Variants in RFWD3 observed in about 807,000 individuals in gnomAD.
The protein encoded by RFWD3 is ring finger and WD repeat domain 3.
Under a neutral mutation model 87.7 loss-of-function variants are expected in RFWD3, and 65 were observed. That is an observed-to-expected ratio of 0.74 (90% CI 0.61 to 0.91). The LOEUF (loss-of-function observed/expected upper bound fraction) is 0.91. Among genes scored for constraint, RFWD3 ranks in the 40% least tolerant of loss-of-function variants. The pLI is 0.00. For missense variants in RFWD3, 1,078 were observed against 938.5 expected, an observed-to-expected ratio of 1.15 and a Z score of -1.94; for synonymous variants, 433 against 352.8, an observed-to-expected ratio of 1.23 and a Z score of -2.55.
chr16:74,633,791 A>AAT (rs1399262999), intron 8 of RFWD3, among the ~76,000 whole-genome samples: 2 of 152,086 alleles, frequency 1.3e-5, no homozygotes, highest in African/African-American at 4.8e-5. Flanking sequence ...TGCTACAAAA[A>AAT]ATATGAGAAT....
intron 6 of RFWD3, among the ~76,000 whole-genome samples, chr16:74,643,680 T>C (rs1597435448): frequency 8.8e-6 from 1 of 114,134 alleles, no homozygotes; most frequent in African/African-American, 2.7e-5. Context: ...TTTTTTTTTT[T>C]TTTTTTTTTT....
intron 1 of RFWD3, among the ~76,000 whole-genome samples, chr16:74,665,742 T>C (rs1377324707): frequency 7.4e-6 from 1 of 135,764 alleles, no homozygotes; most frequent in African/African-American, 2.8e-5. Flanking sequence ...AGACTTTTCT[T>C]TCTTTCTTTC....
In RFWD3 at chr16:74,622,469, A is replaced by G. The variant is rs200940067; in HGVS notation, c.*1459T>C. 1.4e-5 allele frequency: 2 copies of G among 143,212 alleles called. No individual in the cohort carries two copies. Among genetic ancestry groups the G allele is most frequent in the African/African-American group, 2.6e-5 (1 of 37,978 alleles). The allele number at this position is 143,212 out of a possible 1,614,324, so 8.9% of individuals were successfully genotyped here. A position where few individuals can be genotyped will look rare whatever the true frequency, so the allele number is the denominator to read the frequency against. ...GTGAAACATCTATTTCTACAAAAAA[A>G]TTTAAAAAAGGAAAAAATTATGTCC... On this transcript the variant is annotated 3_prime_UTR_variant, in exon 13 of 13. Coordinates refer to ENST00000361070, the MANE Select transcript of RFWD3 (RefSeq NM_018124.4).
At chr16:74,633,954 C>T (rs1357619433) in intron 8 of RFWD3, among the ~76,000 whole-genome samples, 3 of 150,576 alleles carry the variant, frequency 2.0e-5, no homozygotes, top group East Asian at 3.9e-4. Context: ...TCCCTGCATC[C>T]AGCCTGGAAG....
chr16:74,638,882 T>C (rs1430072198), intron 6 of RFWD3, among the ~76,000 whole-genome samples: 1 of 152,194 alleles, frequency 6.6e-6, no homozygotes, highest in Non-Finnish European at 1.5e-5. Flanking sequence ...TACAGAAACC[T>C]ACACAGTATA....
At chr16:74,659,577 A>G (rs1054742707) in intron 2 of RFWD3, among the ~76,000 whole-genome samples, 2 of 149,042 alleles carry the variant, frequency 1.3e-5, no homozygotes, top group East Asian at 4.0e-4. Context: ...CCTGAGTGAC[A>G]GAGCAAGACT....
At chr16:74,630,613 C>T (rs1348857793) in intron 10 of RFWD3, among the ~76,000 whole-genome samples, 168 bp downstream of exon 10, 1 of 152,206 alleles carries the variant, frequency 6.6e-6, no homozygotes, top group Non-Finnish European at 1.5e-5. Flanking sequence ...TGAATACAAA[C>T]TCTTATTAAT....
intron 9 of RFWD3, 37 bp from the exon 10 acceptor site, chr16:74,630,994 GA>G: frequency 6.5e-7 from 1 of 1,545,464 alleles, no homozygotes; most frequent in Non-Finnish European, 8.8e-7. Flanking sequence ...ACTGCATTAA[GA>G]AAATCAAATA....
At position 74,630,953 on chromosome 16, in the gene RFWD3, C is replaced by G; in HGVS notation, c.1582G>C (p.Glu528Gln). The G allele has an allele frequency of 6.2e-7, 1 of 1,605,220 alleles. No individual in the cohort carries two copies. The highest frequency in any genetic ancestry group is 8.5e-7 in the Non-Finnish European group (1 of 1,177,708). The change falls in exon 10 of 13, where the codon GAG (glutamate) becomes CAG (glutamine). Residue 528 changes from glutamate to glutamine, a missense_variant. Physicochemically the swap from Glu to Gln is conservative, Grantham distance 29. Transcript: ENST00000361070. ...LDNTIKLTSL[E>Q]TNTVVQTYNA... ...TAAGTCTGGACCACGGTATTTGTCT[C>G]CAGGCTGTGGAGTTACAAAAGACTT...
chr16:74,644,183 G>A (rs146049115), intron 6 of RFWD3, 179 bp downstream of exon 6: 280 of 662,840 alleles, frequency 4.2e-4, no homozygotes, highest in African/African-American at 4.1e-3. Flanking sequence ...ACTTCCTTAA[G>A]AAGATGATCA....
intron 1 of RFWD3, 69 bp from the exon 2 acceptor site, chr16:74,661,520 ATATT>A: frequency 1.5e-6 from 2 of 1,310,526 alleles, no homozygotes; most frequent in Non-Finnish European, 2.1e-6. Flanking sequence ...TGACAGAATC[ATATT>A]TAATCTTTCT....
At chr16:74,634,808 A>G (rs1320865036) in intron 8 of RFWD3, among the ~76,000 whole-genome samples, 2 of 151,038 alleles carry the variant, frequency 1.3e-5, no homozygotes, top group African/African-American at 4.9e-5. Context: ...GCCAGAGAGG[A>G]AAAAAAAAGG....
At chr16:74,631,731 C>G (rs1959102051) in intron 9 of RFWD3, among the ~76,000 whole-genome samples, 1 of 152,058 alleles carries the variant, frequency 6.6e-6, no homozygotes, top group Non-Finnish European at 1.5e-5. Context: ...CAGGAGTAAA[C>G]AGTACCAACC....
chr16:74,642,762 G>C (rs1342712194), intron 6 of RFWD3, among the ~76,000 whole-genome samples: 1 of 152,042 alleles, frequency 6.6e-6, no homozygotes, highest in Non-Finnish European at 1.5e-5. Context: ...CAAAGTGCTG[G>C]GATTACAGGC....
At chr16:74,624,215 T>A in intron 12 of RFWD3, 144 bp from the exon 13 acceptor site, 1 of 930,814 alleles carries the variant, frequency 1.1e-6, no homozygotes, top group Non-Finnish European at 1.6e-6. Flanking sequence ...CTTTGCAAGG[T>A]TGTTCAAAGT....
Position 74,637,935 on chromosome 16 carries a change from G to C in RFWD3, c.1115C>G (p.Ala372Gly), listed in dbSNP as rs1567573101. 1 of 1,612,098 alleles carries C rather than the reference G, an allele frequency of 6.2e-7. No individual in the cohort carries two copies. Among genetic ancestry groups the C allele is most frequent in the Non-Finnish European group, 8.5e-7 (1 of 1,179,596 alleles). Residue 372 changes from alanine to glycine, a missense_variant, in exon 7 of 13, where the codon GCC (alanine) becomes GGC (glycine). Coordinates refer to ENST00000361070, the MANE Select transcript of RFWD3 (RefSeq NM_018124.4). ...LLKEQMLRKQ[A>G]ELESAQCRLQ... ...TCGGCACTGTGCTGATTCTAACTCG[G>C]CCTGTTTCCTTAGCATCTGTTCCTT...
At chr16:74,655,876 T>C (rs1383841051) in intron 2 of RFWD3, among the ~76,000 whole-genome samples, 2 of 152,224 alleles carry the variant, frequency 1.3e-5, no homozygotes, top group Non-Finnish European at 2.9e-5. Context: ...ACAGCTTATC[T>C]GTTTAGAGTA....
rs770094777 is a variant in RFWD3 at position 74,632,623 on chromosome 16, T to G, written c.1477A>C (p.Ile493Leu). ...STANMKSSQY[I>L]PMHGKQIRGL... ...CGGATCTGTTTGCCATGCATCGGAA[T>G]GTACTGACTGCTCTTCATGTTGGCA... Residue 493 changes from isoleucine (I) to leucine (L), a missense_variant, in exon 9 of 13, where the codon ATT becomes CTT. Physicochemically the swap from Ile to Leu is conservative, Grantham distance 5. Coordinates refer to ENST00000361070, the MANE Select transcript of RFWD3 (RefSeq NM_018124.4). The G allele has an allele frequency of 1.4e-5, 23 of 1,614,014 alleles. No homozygotes were observed. The highest frequency in any genetic ancestry group is 1.3e-5 in the African/African-American group (1 of 74,912).
At chr16:74,656,544 A>ACCAGGC in intron 2 of RFWD3, among the ~76,000 whole-genome samples, 1 of 151,930 alleles carries the variant, frequency 6.6e-6, no homozygotes, top group South Asian at 2.1e-4. Context: ...GTGCAGTGGC[A>ACCAGGC]TGATATTGGC....
Sources: allele counts gnomAD v4.1 joint callset (sites outside exome capture counted in the v4.1 genomes callset), GRCh38; gene constraint gnomAD v4.1.1; transcripts MANE v1.5; gene names NCBI Gene and HGNC (gene_info 2026-07-23, HGNC 2026-07-21).